Variants in WDR5B observed in about 807,000 individuals in gnomAD.
WDR5B encodes WD repeat-containing protein 5B.
Under a neutral mutation model 24.0 loss-of-function variants are expected in WDR5B, and 17 were observed. The observed-to-expected ratio is 0.71, with a 90% CI of 0.49 to 1.06. The LOEUF (loss-of-function observed/expected upper bound fraction) is 1.06. Among genes scored for constraint, WDR5B ranks in the 50% least tolerant of loss-of-function variants. The pLI is 0.00. For missense variants in WDR5B, 368 were observed against 384.1 expected (o/e 0.96, Z 0.35); for synonymous variants, 150 against 146.4 (o/e 1.02, Z -0.18).
Position 122,414,849 on chromosome 3 carries a change from G to A in WDR5B, c.680C>T (p.Thr227Ile), listed in dbSNP as rs746471800. The A allele has an allele frequency of 8.1e-6, 13 of 1,614,142 alleles. No individual in the cohort carries two copies. In the Admixed American group the frequency reaches 1.5e-4, roughly 19 times the overall value. ...KFSPNGKYIL[T>I]ATLDNTLKLW... ...TTTAAGAGTGTTGTCCAAAGTTGCA[G>A]TGAGAATGTATTTACCATTTGGAGA... Residue 227 changes from threonine to isoleucine, a missense_variant, in exon 1 of 1, where the codon ACT (threonine) becomes ATT (isoleucine). Physicochemically the swap from Thr to Ile is moderately conservative, Grantham distance 89. Coordinates refer to ENST00000330689, the MANE Select transcript of WDR5B (RefSeq NM_019069.4).
At position 122,414,501 on chromosome 3, in the gene WDR5B, G is replaced by C; in HGVS notation, c.*35C>G. On this transcript the variant is annotated 3_prime_UTR_variant, in exon 1 of 1. Transcript: ENST00000330689. ...TCTTTTTAAATATCCAAGTTTTTTG[G>C]CCAACTTGGCTCTACTACTTGATTT... 6.5e-7 allele frequency: 1 copy of C among 1,541,944 alleles called. No homozygotes were observed. Among genetic ancestry groups the C allele is most frequent in the South Asian group, 1.2e-5 (1 of 81,008 alleles).
chr3:122,415,692 C>T lies in WDR5B; in HGVS notation c.-164G>A. 2.4e-6 allele frequency: 2 copies of T among 827,618 alleles called. No homozygotes were observed. Among genetic ancestry groups the T allele is most frequent in the East Asian group, 2.8e-5 (1 of 35,842 alleles). The allele number at this position is 827,618 out of a possible 1,614,324, so 51.3% of individuals were successfully genotyped here. A position where few individuals can be genotyped will look rare whatever the true frequency, so the allele number is the denominator to read the frequency against. ...TCTGGACAGTCTTTAAACTGTGAGA[C>T]GGAATCAGCAGCACGGCTTGGACTT... is the stretch of plus-strand genomic sequence containing the variant. On this transcript the variant is annotated 5_prime_UTR_variant, in exon 1 of 1. Transcript: ENST00000330689.
rs2075732130 is a variant in WDR5B, at chr3:122,415,760, G to A, written c.-232C>T. On this transcript the variant is annotated 5_prime_UTR_variant, in exon 1 of 1. Transcript: ENST00000330689. ...GTTAAGTACTTGAGAAATACTGTTAGAAGGATCCTGTGCGCTGTCAGCAAG... is the reference window on the plus strand; with the variant it reads ...GTTAAGTACTTGAGAAATACTGTTAAAAGGATCCTGTGCGCTGTCAGCAAG... 1.4e-5 allele frequency: 7 copies of A among 496,262 alleles called. No homozygotes were observed. The highest frequency in any genetic ancestry group is 1.8e-5 in the Non-Finnish European group (5 of 278,234). The allele number at this position is 496,262 out of a possible 1,614,324, so 30.7% of individuals were successfully genotyped here.
rs567262748 is a variant in WDR5B at position 122,415,712 on chromosome 3, G to A, written c.-184C>T. 6 of 678,898 alleles carry A rather than the reference G, an allele frequency of 8.8e-6. No homozygotes were observed. Among genetic ancestry groups the A allele is most frequent in the East Asian group, 2.9e-5 (1 of 34,278 alleles). The allele number at this position is 678,898 out of a possible 1,614,324, so 42.1% of individuals were successfully genotyped here. On this transcript the variant is annotated 5_prime_UTR_variant, in exon 1 of 1. Coordinates refer to ENST00000330689, the MANE Select transcript of WDR5B (RefSeq NM_019069.4). ...TGAGACGGAATCAGCAGCACGGCTT[G>A]GACTTCAAGTTTTCATCTTTTTGTT...
Position 122,413,966 on chromosome 3 carries a change from CACATAT to C in WDR5B, c.*564_*569del, listed in dbSNP as rs999415368. ...GTATATACTTATATACATACACATA[CACATAT>C]ATGCATACACACACACACATACACA... is the stretch of plus-strand genomic sequence containing the variant. On this transcript the variant is annotated 3_prime_UTR_variant, in exon 1 of 1. Coordinates refer to ENST00000330689, the MANE Select transcript of WDR5B (RefSeq NM_019069.4). 5 of 154,046 alleles carry C rather than the reference CACATAT, an allele frequency of 3.2e-5. No individual in the cohort carries two copies. Among genetic ancestry groups the C allele is most frequent in the African/African-American group, 1.2e-4 (5 of 41,348 alleles). The allele number at this position is 154,046 out of a possible 1,614,324, so 9.5% of individuals were successfully genotyped here. A position where few individuals can be genotyped will look rare whatever the true frequency, so the allele number is the denominator to read the frequency against.
chr3:122,414,580 ATGC>A lies in WDR5B; in HGVS notation c.946_948del (p.Ala316del), dbSNP rs754219480. 1.2e-6 allele frequency: 2 copies of A among 1,614,180 alleles called. No individual in the cohort carries two copies. Among genetic ancestry groups the A allele is most frequent in the Non-Finnish European group, 1.7e-6 (2 of 1,180,030 alleles). Reference sequence around the variant, plus strand: ...AGTTTAATTGTTTTGTCATTTTCTAATGCTGCTGATGCGATGAGGTTTTCTGTA... The same window carrying A: ...AGTTTAATTGTTTTGTCATTTTCTAATGCTGATGCGATGAGGTTTTCTGTA... On this transcript the variant is annotated inframe_deletion, in exon 1 of 1. Transcript: ENST00000330689.
At position 122,412,277 on chromosome 3, in the gene WDR5B, T is replaced by C. The variant is rs950797137; in HGVS notation, c.*2259A>G. 5.9e-5 allele frequency: 9 copies of C among 152,254 alleles called. No individual in the cohort carries two copies. The highest frequency in any genetic ancestry group is 5.9e-5 in the Non-Finnish European group (4 of 68,048). 9.4% of individuals were successfully genotyped at this position (152,254 alleles called of 1,614,324 possible). A position where few individuals can be genotyped will look rare whatever the true frequency, so the allele number is the denominator to read the frequency against. On this transcript the variant is annotated 3_prime_UTR_variant, in exon 1 of 1. Transcript: ENST00000330689. ...TAGGTAAAGTGGGCAGAAATCTTTT[T>C]CTACTTTACATTTCCTGTAAGTGCT...
chr3:122,415,374 T>G lies in WDR5B; in HGVS notation c.155A>C (p.Asn52Thr), dbSNP rs2075729745. ...AGAAGAACTTGCTAGCCATTCTCCATTAGGACTAAACTTAACTGATGACAC... is the reference window on the plus strand; with the variant it reads ...AGAAGAACTTGCTAGCCATTCTCCAGTAGGACTAAACTTAACTGATGACAC... Reference protein sequence around the residue: ...EAVSSVKFSPNGEWLASSSAD... With the variant: ...EAVSSVKFSPTGEWLASSSAD... Residue 52 changes from asparagine to threonine, a missense_variant, in exon 1 of 1, where the codon AAT (asparagine) becomes ACT (threonine). Transcript: ENST00000330689. The G allele has an allele frequency of 6.2e-7, 1 of 1,614,242 alleles. No individual in the cohort carries two copies. The highest frequency in any genetic ancestry group is 1.6e-4 in the Middle Eastern group (1 of 6,062).
At position 122,413,836 on chromosome 3, in the gene WDR5B, T is replaced by C. The variant is rs2107703904; in HGVS notation, c.*700A>G. 1 of 152,258 alleles carries C rather than the reference T, an allele frequency of 6.6e-6. No homozygotes were observed. The highest frequency in any genetic ancestry group is 1.9e-4 in the East Asian group (1 of 5,176). 9.4% of individuals were successfully genotyped at this position (152,258 alleles called of 1,614,324 possible). ...CTGTTTATCGCAGCACTATTCGTAATAGCAAAGTTATGGAACCAACCTAAG... is the reference window on the plus strand; with the variant it reads ...CTGTTTATCGCAGCACTATTCGTAACAGCAAAGTTATGGAACCAACCTAAG... On this transcript the variant is annotated 3_prime_UTR_variant, in exon 1 of 1. Transcript: ENST00000330689.
At position 122,414,733 on chromosome 3, in the gene WDR5B, C is replaced by A. The variant is rs772650135; in HGVS notation, c.796G>T (p.Gly266Cys). The A allele has an allele frequency of 5.3e-5, 85 of 1,614,058 alleles. No individual in the cohort carries two copies. Among genetic ancestry groups the A allele is most frequent in the Non-Finnish European group, 6.8e-5 (80 of 1,180,046 alleles). Residue 266 changes from glycine (G) to cysteine (C), a missense_variant, in exon 1 of 1, where the codon GGT becomes TGT. By Grantham distance (159) the Gly-to-Cys change is radical (BLOSUM62 -3). Coordinates refer to ENST00000330689, the MANE Select transcript of WDR5B (RefSeq NM_019069.4). Reference protein sequence around the residue: ...YCIFANFSVTGGKWIVSGSED... With the variant: ...YCIFANFSVTCGKWIVSGSED... ...GAACCAGACACAATCCACTTTCCAC[C>A]AGTAACTGAAAAATTGGCAAATATG... is the stretch of plus-strand genomic sequence containing the variant.
chr3:122,414,946 C>G lies in WDR5B; in HGVS notation c.583G>C (p.Asp195His). The G allele has an allele frequency of 6.2e-7, 1 of 1,614,156 alleles. No homozygotes were observed. The highest frequency in any genetic ancestry group is 8.5e-7 in the Non-Finnish European group (1 of 1,180,028). Reference sequence around the variant, plus strand: ...TTTAAACACTGACCTGATGCAGCATCCCAGATTCTACAGAGGCCATCATAG... The same window carrying G: ...TTTAAACACTGACCTGATGCAGCATGCCAGATTCTACAGAGGCCATCATAG... ...GSYDGLCRIW[D>H]AASGQCLKTL... The change falls in exon 1 of 1, where the codon GAT (aspartate) becomes CAT (histidine). Residue 195 changes from aspartate to histidine, a missense_variant. Asp to His is a moderately conservative substitution (Grantham distance 81). Transcript: ENST00000330689.
In WDR5B at chr3:122,413,082, C is replaced by G. The variant is rs1191771329; in HGVS notation, c.*1454G>C. 6.6e-6 allele frequency: 1 copy of G among 152,160 alleles called. No individual in the cohort carries two copies. The highest frequency in any genetic ancestry group is 1.5e-5 in the Non-Finnish European group (1 of 68,036). The allele number at this position is 152,160 out of a possible 1,614,324, so 9.4% of individuals were successfully genotyped here. ...GTCAACTTTACTTCTAAATATTTCTCAAATACACTGATCCTCTAGGATAGT... is the reference window on the plus strand; with the variant it reads ...GTCAACTTTACTTCTAAATATTTCTGAAATACACTGATCCTCTAGGATAGT... On this transcript the variant is annotated 3_prime_UTR_variant, in exon 1 of 1. Transcript: ENST00000330689.
At position 122,415,681 on chromosome 3, in the gene WDR5B, A is replaced by T; in HGVS notation, c.-153T>A. The T allele has an allele frequency of 1.0e-6, 1 of 954,182 alleles. No homozygotes were observed. Among genetic ancestry groups the T allele is most frequent in the South Asian group, 2.0e-5 (1 of 50,986 alleles). 59.1% of individuals were successfully genotyped at this position (954,182 alleles called of 1,614,324 possible). On this transcript the variant is annotated 5_prime_UTR_variant, in exon 1 of 1. Transcript: ENST00000330689. ...AGCTTAAAGTTTCTGGACAGTCTTT[A>T]AACTGTGAGACGGAATCAGCAGCAC... is the stretch of plus-strand genomic sequence containing the variant.
In WDR5B at chr3:122,412,601, A is replaced by T. The variant is rs2075710933; in HGVS notation, c.*1935T>A. On this transcript the variant is annotated 3_prime_UTR_variant, in exon 1 of 1. Coordinates refer to ENST00000330689, the MANE Select transcript of WDR5B (RefSeq NM_019069.4). The stretch of plus-strand genomic sequence containing the variant: ...GGAAAACCTAACTAACTCAGCTGTC[A>T]GCTGTGGTTGCAGGCAGGCCGGCAG... 1 of 152,240 alleles carries T rather than the reference A, an allele frequency of 6.6e-6. No individual in the cohort carries two copies. The highest frequency in any genetic ancestry group is 1.5e-5 in the Non-Finnish European group (1 of 68,046). 9.4% of individuals were successfully genotyped at this position (152,240 alleles called of 1,614,324 possible).
In WDR5B at chr3:122,415,430, GA is replaced by G; in HGVS notation, c.98del (p.Leu33ProfsTer24). On this transcript the variant is annotated frameshift_variant, in exon 1 of 1. Coordinates refer to ENST00000330689, the MANE Select transcript of WDR5B (RefSeq NM_019069.4). LOFTEE classifies it high-confidence loss of function. ...KEVPENPNYA[L>X]KCTLVGHTEA... is the part of the protein sequence containing the mutation. ...CCGTGTGTCCCACAAGAGTACATTTGAGAGCATAGTTTGGGTTTTCAGGCAC... is the reference window on the plus strand; with the variant it reads ...CCGTGTGTCCCACAAGAGTACATTTGGAGCATAGTTTGGGTTTTCAGGCAC... 6.2e-7 allele frequency: 1 copy of G among 1,614,216 alleles called. No individual in the cohort carries two copies.
rs780602489 is a variant in WDR5B, at chr3:122,415,058, T to C, written c.471A>G (p.Gly157=). 9.9e-6 allele frequency: 16 copies of C among 1,614,020 alleles called. No homozygotes were observed. Among genetic ancestry groups the C allele is most frequent in the Admixed American group, 1.7e-5 (1 of 60,002 alleles). The change falls in exon 1 of 1, where the codon GGA becomes GGG. Residue 157 remains glycine, a synonymous_variant. Transcript: ENST00000330689. ...ETVKIWEVKT[G]KCLKTLSAHS... is the part of the protein sequence containing the mutation. ...GAGCAGACAAAGTCTTGAGACACTTTCCTGTTTTCACCTCCCATATTTTTA... is the reference window on the plus strand; with the variant it reads ...GAGCAGACAAAGTCTTGAGACACTTCCCTGTTTTCACCTCCCATATTTTTA...
chr3:122,413,972 T>C lies in WDR5B; in HGVS notation c.*564A>G, dbSNP rs1430267331. The stretch of plus-strand genomic sequence containing the variant: ...ACTTATATACATACACATACACATA[T>C]ATGCATACACACACACACATACACA... On this transcript the variant is annotated 3_prime_UTR_variant, in exon 1 of 1. Transcript: ENST00000330689. 1 of 155,166 alleles carries C rather than the reference T, an allele frequency of 6.4e-6. No homozygotes were observed. Among genetic ancestry groups the C allele is most frequent in the Non-Finnish European group, 1.4e-5 (1 of 70,132 alleles). 9.6% of individuals were successfully genotyped at this position (155,166 alleles called of 1,614,324 possible).
Position 122,415,140 on chromosome 3 carries a change from CAA to C in WDR5B, c.387_388del (p.Phe129LeufsTer3), listed in dbSNP as rs752941057. 1.9e-5 allele frequency: 31 copies of C among 1,614,054 alleles called. No individual in the cohort carries two copies. The highest frequency in any genetic ancestry group is 1.0e-4 in the Admixed American group (6 of 60,002). ...GTTGGATGGCGGATTGAAGTTACAA[CAA>C]AAGACATAATTACTGTGCCCCTTCA... On this transcript the variant is annotated frameshift_variant, in exon 1 of 1. Coordinates refer to ENST00000330689, the MANE Select transcript of WDR5B (RefSeq NM_019069.4). LOFTEE classifies it high-confidence loss of function.
chr3:122,414,662 A>T lies in WDR5B; in HGVS notation c.867T>A (p.Ile289=), dbSNP rs766173535. Residue 289 remains isoleucine, a synonymous_variant, in exon 1 of 1, where the codon ATT becomes ATA. Coordinates refer to ENST00000330689, the MANE Select transcript of WDR5B (RefSeq NM_019069.4). ...VYIWNLQTKE[I]VQKLQGHTDV... ...CTGTATGGCCTTGTAATTTCTGCAC[A>T]ATCTCTTTAGTCTGAAGGTTCCAAA... 27 of 1,614,202 alleles carry T rather than the reference A, an allele frequency of 1.7e-5. No homozygotes were observed. In the Admixed American group the frequency reaches 4.2e-4, roughly 25 times the overall value.
Sources: gnomAD v4.1 joint callset for allele counts on GRCh38, gnomAD v4.1.1 for gene constraint, MANE v1.5 for transcripts, NCBI Gene and HGNC (gene_info 2026-07-23, HGNC 2026-07-21) for gene names.